CTNNA1: variants seen among roughly 807,000 people sequenced by gnomAD.
The protein encoded by CTNNA1 is catenin alpha-1.
In CTNNA1, 37 loss-of-function variants were observed where a neutral mutation model predicts 98.4. The observed-to-expected ratio is 0.38, with a 90% CI of 0.29 to 0.49. The LOEUF is 0.49. Ranked by LOEUF, CTNNA1 falls within the 20% of genes least tolerant of loss-of-function variation. CTNNA1 has a pLI of 0.95. For synonymous variants in CTNNA1, 404 were observed against 413.2 expected (o/e 0.98, Z 0.27); for missense variants, 761 against 1,147.2 (o/e 0.66, Z 4.86).
At chr5:138,884,420 T>G (rs536378191) in intron 7 of CTNNA1, among the ~76,000 whole-genome samples, 5 of 152,314 alleles carry the variant, frequency 3.3e-5, no homozygotes, top group African/African-American at 1.2e-4. Flanking sequence ...AAATTTCTCC[T>G]AAATCAGGAA....
chr5:138,916,056 A>AAC (rs959048462), intron 10 of CTNNA1, among the ~76,000 whole-genome samples: 21 of 151,982 alleles, frequency 1.4e-4, no homozygotes, highest in African/African-American at 3.4e-4. Context: ...CTCAAAAAGA[A>AAC]ACACACACAC....
intron 5 of CTNNA1, among the ~76,000 whole-genome samples, chr5:138,814,329 A>C (rs1314275726): frequency 6.6e-6 from 1 of 151,202 alleles, no homozygotes; most frequent in African/African-American, 2.4e-5. Flanking sequence ...GCTCACCACA[A>C]CCTCCGCCTC....
At chr5:138,825,482 G>GTTTTTTTTTGTTTTTTTTTTTT (rs1760586979) in intron 6 of CTNNA1, among the ~76,000 whole-genome samples, 2 of 74,114 alleles carry the variant, frequency 2.7e-5, no homozygotes, top group African/African-American at 1.2e-4. Flanking sequence ...AGCAGTATAA[G>GTTTTTTTTTGTTTTTTTTTTTT]TTTTTTTTTT....
chr5:138,934,164 G>C lies in CTNNA1; in HGVS notation c.*75G>C, dbSNP rs1766048367. On this transcript the variant is annotated 3_prime_UTR_variant, in exon 18 of 18. Transcript: ENST00000302763. ...CACTGTTCGTCACTCAAATGAATTT[G>C]CTAAATACAACACTGATACTAGATT... The C allele has an allele frequency of 3.5e-6, 4 of 1,154,438 alleles. No individual in the cohort carries two copies. Among genetic ancestry groups the C allele is most frequent in the African/African-American group, 1.5e-5 (1 of 65,818 alleles). 71.5% of individuals were successfully genotyped at this position (1,154,438 alleles called of 1,614,324 possible). A position where few individuals can be genotyped will look rare whatever the true frequency, so the allele number is the denominator to read the frequency against.
At chr5:138,787,360 G>C (rs1755820769) in intron 3 of CTNNA1, among the ~76,000 whole-genome samples, 2 of 152,306 alleles carry the variant, frequency 1.3e-5, no homozygotes, top group East Asian at 3.9e-4. Flanking sequence ...GGAGCTGGCA[G>C]TGAGCCGAGA....
chr5:138,794,718 G>A (rs908874557), intron 3 of CTNNA1, among the ~76,000 whole-genome samples: 18 of 152,184 alleles, frequency 1.2e-4, no homozygotes, highest in African/African-American at 1.2e-4. Flanking sequence ...TTAAAATTTG[G>A]CTGGGTGGGA....
At chr5:138,886,149 ATAGGCTATCAT>A (rs1419844928) in intron 7 of CTNNA1, 52 bp from the exon 8 acceptor site, 4 of 1,563,048 alleles carry the variant, frequency 2.6e-6, no homozygotes, top group Non-Finnish European at 3.5e-6. Flanking sequence ...ACAAATGGCT[ATAGGCTATCAT>A]TAGGTTTCTT....
chr5:138,805,978 T>A (rs1257357109), intron 3 of CTNNA1, among the ~76,000 whole-genome samples: 2 of 152,136 alleles, frequency 1.3e-5, no homozygotes, highest in African/African-American at 4.8e-5. Context: ...GAATCAGAGG[T>A]CATGAAGACT....
Position 138,767,825 on chromosome 5 carries a change from C to A in CTNNA1, c.-2-14098C>A, listed in dbSNP as rs539539878. Among the ~76,000 whole-genome samples, 4 of 152,322 alleles carry A rather than the reference C, an allele frequency of 2.6e-5. No individual in the cohort carries two copies. The East Asian group carries it at 5.8e-4, about 22-fold the overall frequency. ...CTGAAGAATAACATAACAGGCCCTG[C>A]ATAACCCTGACACTACTGTCACACT... On this transcript the variant is annotated intron_variant, in intron 1 of 17. Coordinates refer to ENST00000302763, the MANE Select transcript of CTNNA1 (RefSeq NM_001903.5).
intron 6 of CTNNA1, among the ~76,000 whole-genome samples, chr5:138,826,466 G>A (rs563521282): frequency 3.9e-5 from 6 of 152,188 alleles, no homozygotes; most frequent in Non-Finnish European, 8.8e-5. Context: ...TGTACCTATA[G>A]CTTACTTGTG....
At chr5:138,758,863 A>G (rs1412865761) in intron 1 of CTNNA1, among the ~76,000 whole-genome samples, 1 of 150,910 alleles carries the variant, frequency 6.6e-6, no homozygotes. Flanking sequence ...ACTGGAGTGC[A>G]ATGGCGTGAT....
rs576259733 is a variant in CTNNA1, at chr5:138,846,677, AACTAATGG to A, written c.1062+18960_1062+18967del. On this transcript the variant is annotated intron_variant, in intron 7 of 17. Coordinates refer to ENST00000302763, the MANE Select transcript of CTNNA1 (RefSeq NM_001903.5). ...TAATCTTCTGACTTTGTATGGGACA[AACTAATGG>A]CCTACAATTTTCTGTGACTATTTCA... 2.7e-4 allele frequency among the ~76,000 whole-genome samples: 41 copies of A among 152,298 alleles called. No individual in the cohort carries two copies. In the East Asian group the frequency reaches 7.9e-3, roughly 29 times the overall value.
chr5:138,769,691 G>T (rs1382243095), intron 1 of CTNNA1, among the ~76,000 whole-genome samples: 1 of 148,402 alleles, frequency 6.7e-6, no homozygotes, highest in East Asian at 2.1e-4. Context: ...GCGCCACCAC[G>T]CCCAGCTAAT....
intron 9 of CTNNA1, among the ~76,000 whole-genome samples, chr5:138,903,612 T>C (rs1443321945): frequency 6.6e-6 from 1 of 152,244 alleles, no homozygotes; most frequent in East Asian, 1.9e-4. Context: ...AGATTGTTCC[T>C]GGCCACGTGA....
intron 9 of CTNNA1, among the ~76,000 whole-genome samples, chr5:138,890,619 A>G (rs1048536135): frequency 1.3e-5 from 2 of 152,146 alleles, no homozygotes; most frequent in African/African-American, 4.8e-5. Context: ...CTCTTGTCAC[A>G]TTGATGTTTC....
chr5:138,874,043 G>A lies in CTNNA1; in HGVS notation c.1063-12169G>A, dbSNP rs551224678. ...ACGACAGTCCCAGAACAGGCGTACT[G>A]GGATAGTCCGCAGGGAGTTGGAACG... On this transcript the variant is annotated intron_variant, in intron 7 of 17. Coordinates refer to ENST00000302763, the MANE Select transcript of CTNNA1 (RefSeq NM_001903.5). The surrounding 1 kb of genome is among the most constrained non-coding windows in gnomAD (Gnocchi z 4.1). 1.2e-5 allele frequency: 19 copies of A among 1,613,984 alleles called. No individual in the cohort carries two copies. In the South Asian group the frequency reaches 2.0e-4, roughly 17 times the overall value.
At chr5:138,834,965 G>T (rs963441611) in intron 7 of CTNNA1, among the ~76,000 whole-genome samples, 18 of 152,154 alleles carry the variant, frequency 1.2e-4, no homozygotes, top group African/African-American at 4.1e-4. Context: ...GTGGGCAGGG[G>T]GTGGATCTTA....
chr5:138,903,871 T>C (rs1758610336), intron 9 of CTNNA1, among the ~76,000 whole-genome samples: 1 of 152,232 alleles, frequency 6.6e-6, no homozygotes, highest in African/African-American at 2.4e-5. Context: ...ATAAAATTCA[T>C]CTTGCCTTAA....
At chr5:138,791,302 TC>T (rs1756328614) in intron 3 of CTNNA1, among the ~76,000 whole-genome samples, 1 of 152,130 alleles carries the variant, frequency 6.6e-6, no homozygotes, top group Non-Finnish European at 1.5e-5. Flanking sequence ...TAAATCTCAA[TC>T]ATTACATAAA....
Sources: allele counts gnomAD v4.1 joint callset (sites outside exome capture counted in the v4.1 genomes callset), GRCh38; gene constraint gnomAD v4.1.1; non-coding constraint Gnocchi (gnomAD v3.1); transcripts MANE v1.5; gene names NCBI Gene and HGNC (gene_info 2026-07-23, HGNC 2026-07-21).